SNAP91: variants seen among roughly 807,000 people sequenced by gnomAD.
The protein encoded by SNAP91 is synaptosome associated protein 91.
Under a neutral mutation model 100.3 loss-of-function variants are expected in SNAP91, and 27 were observed. The ratio of observed to expected loss-of-function variants is 0.27; its 90% CI spans 0.20 to 0.37. The LOEUF (loss-of-function observed/expected upper bound fraction) is 0.37, where lower values mean the gene tolerates loss of function less well. Ranked by LOEUF, SNAP91 falls within the 10% of genes least tolerant of loss-of-function variation. The probability of loss-of-function intolerance (pLI) is 1.00; values close to 1 mark genes in which losing one functional copy is unlikely to be tolerated. For missense variants in SNAP91, 986 were observed against 1,123.7 expected, an observed-to-expected ratio of 0.88 and a Z score of 1.75; for synonymous variants, 404 against 398.6, an observed-to-expected ratio of 1.01 and a Z score of -0.16.
intron 26 of SNAP91, among the ~76,000 whole-genome samples, chr6:83,566,407 TTA>T (rs1562120174): frequency 6.6e-6 from 1 of 152,194 alleles, no homozygotes; most frequent in Non-Finnish European, 1.5e-5. Context: ...ACCTATAAAA[TTA>T]TATTTCATAT....
In SNAP91 at chr6:83,666,261, T is replaced by C. The variant is rs12212876; in HGVS notation, c.131-680A>G. On this transcript the variant is annotated intron_variant, in intron 2 of 29. Transcript: ENST00000369694. ...TGTATTTTTTAAAAAAATTATCTAC[T>C]GGCCAACAGGGAGTGCCCAGCATTC... is the stretch of plus-strand genomic sequence containing the variant. Among the ~76,000 whole-genome samples, 961 of 152,192 alleles carry C rather than the reference T, an allele frequency of 6.3e-3. 4 individuals are homozygous for C. Among genetic ancestry groups the C allele is most frequent in the Middle Eastern group, 0.017 (5 of 294 alleles).
rs921449403 is a variant in SNAP91, at chr6:83,584,556, T to C, written c.2015-2200A>G. 2.6e-5 allele frequency among the ~76,000 whole-genome samples: 4 copies of C among 152,292 alleles called. No homozygotes were observed. The South Asian group carries it at 8.3e-4, about 32-fold the overall frequency. On this transcript the variant is annotated intron_variant, in intron 22 of 29. Coordinates refer to ENST00000369694, the MANE Select transcript of SNAP91 (RefSeq NM_001242792.2). ...TAAGAAAATTAAAGGTAAGCCAACA[T>C]TGGCCCAGGGCTCACCAAGTGCCAG...
At chr6:83,648,370 GTTTC>G (rs996224705) in intron 7 of SNAP91, among the ~76,000 whole-genome samples, 8 of 150,666 alleles carry the variant, frequency 5.3e-5, no homozygotes, top group South Asian at 2.1e-4. Flanking sequence ...TGAATATTTA[GTTTC>G]TTTATGGTTT....
At chr6:83,693,708 A>G (rs903781065) in intron 2 of SNAP91, among the ~76,000 whole-genome samples, 10 of 152,242 alleles carry the variant, frequency 6.6e-5, no homozygotes, top group Admixed American at 4.6e-4. Context: ...TTTGCTATCA[A>G]GCAGAGAGGA....
intron 16 of SNAP91, among the ~76,000 whole-genome samples, chr6:83,597,433 G>T: frequency 6.6e-6 from 1 of 152,242 alleles, no homozygotes; most frequent in East Asian, 1.9e-4. Context: ...GCAAACTAAA[G>T]TTATTTCCAG....
chr6:83,622,888 G>A (rs1220882731), intron 9 of SNAP91, among the ~76,000 whole-genome samples: 2 of 151,990 alleles, frequency 1.3e-5, no homozygotes, highest in Admixed American at 6.6e-5. Flanking sequence ...CCCTATTCAT[G>A]GGTCTCCTTC....
intron 2 of SNAP91, among the ~76,000 whole-genome samples, chr6:83,680,199 C>G (rs1178124252): frequency 6.6e-6 from 1 of 152,052 alleles, no homozygotes; most frequent in Non-Finnish European, 1.5e-5. Context: ...CCATTCATAC[C>G]TATACCACTA....
intron 11 of SNAP91, among the ~76,000 whole-genome samples, chr6:83,614,302 T>C (rs1029767849): frequency 1.8e-4 from 27 of 152,142 alleles, no homozygotes; most frequent in Non-Finnish European, 1.9e-4. Flanking sequence ...ACAGACAATA[T>C]ATAAAGGTAT....
chr6:83,659,324 A>G (rs1448261665), intron 5 of SNAP91, among the ~76,000 whole-genome samples: 3 of 152,136 alleles, frequency 2.0e-5, no homozygotes, highest in Non-Finnish European at 4.4e-5. Flanking sequence ...TGCCCTTAGG[A>G]AGAAAGCAAT....
chr6:83,678,772 C>A, intron 2 of SNAP91: 2 of 1,289,388 alleles, frequency 1.6e-6, no homozygotes, highest in Non-Finnish European at 2.0e-6. Context: ...CTTACCAAAG[C>A]CTTACTGTTA....
intron 2 of SNAP91, among the ~76,000 whole-genome samples, chr6:83,667,749 G>A (rs1193659339): frequency 1.3e-5 from 2 of 151,840 alleles, no homozygotes; most frequent in East Asian, 3.9e-4. Flanking sequence ...AACTCGTCAT[G>A]TACATTAGGT....
chr6:83,637,082 A>G (rs1280358072), intron 8 of SNAP91, among the ~76,000 whole-genome samples: 1 of 151,934 alleles, frequency 6.6e-6, no homozygotes, highest in Non-Finnish European at 1.5e-5. Flanking sequence ...CAGCAGATAT[A>G]CTCTTACTCA....
At position 83,616,971 on chromosome 6, in the gene SNAP91, G is replaced by T; in HGVS notation, c.876C>A (p.Asn292Lys). 1 of 1,539,646 alleles carries T rather than the reference G, an allele frequency of 6.5e-7. No individual in the cohort carries two copies. The highest frequency in any genetic ancestry group is 8.8e-7 in the Non-Finnish European group (1 of 1,138,130). Reference sequence around the variant, plus strand: ...TAGAATATACAACTAATGCGTACTTGTTTCCAGGTTTCTTTCCTTCTAATG... The same window carrying T: ...TAGAATATACAACTAATGCGTACTTTTTTCCAGGTTTCTTTCCTTCTAATG... Reference protein sequence around the residue: ...LNTLEGKKPGNNEGSGAPSPL... With the variant: ...LNTLEGKKPGKNEGSGAPSPL... The change falls in exon 10 of 30, where the codon AAC becomes AAA. Residue 292 changes from asparagine (N) to lysine (K), a missense_variant and splice_region_variant. Physicochemically the swap from Asn to Lys is moderately conservative, Grantham distance 94 (BLOSUM62 0). Coordinates refer to ENST00000369694, the MANE Select transcript of SNAP91 (RefSeq NM_001242792.2).
chr6:83,600,200 C>A (rs2095008593), intron 16 of SNAP91, among the ~76,000 whole-genome samples: 1 of 152,182 alleles, frequency 6.6e-6, no homozygotes, highest in Admixed American at 6.5e-5. Context: ...TTTTGTGCAG[C>A]AGTGGCAACA....
chr6:83,700,974 T>C (rs889342216), intron 2 of SNAP91, among the ~76,000 whole-genome samples: 5 of 152,162 alleles, frequency 3.3e-5, no homozygotes, highest in African/African-American at 1.2e-4. Flanking sequence ...ACTTGGGCAA[T>C]TGAGTAGGCA....
At chr6:83,681,653 T>C (rs2098991364) in intron 2 of SNAP91, among the ~76,000 whole-genome samples, 1 of 152,114 alleles carries the variant, frequency 6.6e-6, no homozygotes, top group Non-Finnish European at 1.5e-5. Flanking sequence ...CAGAATACTA[T>C]AAAATATAGG....
chr6:83,669,454 T>C (rs2098744621), intron 2 of SNAP91, among the ~76,000 whole-genome samples: 1 of 151,914 alleles, frequency 6.6e-6, no homozygotes, highest in Non-Finnish European at 1.5e-5. Context: ...GGAAGATATA[T>C]CTGGTATCTT....
At chr6:83,600,187 G>A (rs181479602) in intron 16 of SNAP91, among the ~76,000 whole-genome samples, 166 of 152,312 alleles carry the variant, frequency 1.1e-3, no homozygotes, top group Non-Finnish European at 8.5e-4. Context: ...AGCAGAAAAT[G>A]TCTTTTGTGC....
chr6:83,580,629 A>G (rs746122347), intron 23 of SNAP91, 30 bp from the exon 24 acceptor site: 1 of 1,551,564 alleles, frequency 6.4e-7, no homozygotes, highest in East Asian at 2.3e-5. Flanking sequence ...GGTTCAGAAT[A>G]ATTGAAAACA....
Sources: allele counts gnomAD v4.1 joint callset (sites outside exome capture counted in the v4.1 genomes callset), GRCh38; gene constraint gnomAD v4.1.1; transcripts MANE v1.5; gene names NCBI Gene and HGNC (gene_info 2026-07-23, HGNC 2026-07-21).